Variants in DOCK3 observed in about 807,000 individuals in gnomAD.
DOCK3 encodes dedicator of cytokinesis protein 3.
In DOCK3, 60 loss-of-function variants were observed where a neutral mutation model predicts 265.6. The ratio of observed to expected loss-of-function variants is 0.23; its 90% CI spans 0.18 to 0.28. The LOEUF is 0.28. Ranked by LOEUF, DOCK3 falls within the 10% of genes least tolerant of loss-of-function variation. The pLI, the probability that DOCK3 is intolerant of heterozygous loss-of-function variation, is 1.00. For missense variants in DOCK3, 1,981 were observed against 2,594.3 expected (o/e 0.76, Z 5.14); for synonymous variants, 881 against 938.0 (o/e 0.94, Z 1.11).
At chr3:51,017,770 GA>G (rs1390418633) in intron 5 of DOCK3, among the ~76,000 whole-genome samples, 1 of 151,816 alleles carries the variant, frequency 6.6e-6, no homozygotes, top group Non-Finnish European at 1.5e-5. Flanking sequence ...GTCTATCATT[GA>G]GAATGATCAT....
At chr3:50,799,011 T>C (rs1391067852) in intron 2 of DOCK3, among the ~76,000 whole-genome samples, 2 of 152,244 alleles carry the variant, frequency 1.3e-5, no homozygotes, top group African/African-American at 4.8e-5. Context: ...TTGGTACTTT[T>C]ATCAAAAACT....
intron 12 of DOCK3, among the ~76,000 whole-genome samples, chr3:51,170,407 G>T (rs1022991358): frequency 6.6e-6 from 1 of 151,824 alleles, no homozygotes; most frequent in Admixed American, 6.6e-5. Flanking sequence ...GGAGATTTTT[G>T]ATTACTGCTT....
At chr3:50,679,397 A>G (rs930146118) in intron 1 of DOCK3, among the ~76,000 whole-genome samples, 3 of 152,164 alleles carry the variant, frequency 2.0e-5, no homozygotes, top group African/African-American at 4.8e-5. Flanking sequence ...TTGTAATGTT[A>G]TATTTATTTT....
chr3:50,839,779 C>A (rs2045728756), intron 2 of DOCK3, among the ~76,000 whole-genome samples: 2 of 128,710 alleles, frequency 1.6e-5, no homozygotes, highest in South Asian at 3.1e-4. Flanking sequence ...CTCTCCTCTT[C>A]TTTTTTTGAG....
intron 4 of DOCK3, among the ~76,000 whole-genome samples, chr3:50,910,795 A>G: frequency 6.6e-6 from 1 of 152,120 alleles, no homozygotes. Flanking sequence ...GGTGTAGGCA[A>G]TGTGAGTCAG....
At chr3:51,286,822 G>A (rs1380455758) in intron 27 of DOCK3, among the ~76,000 whole-genome samples, 1 of 152,030 alleles carries the variant, frequency 6.6e-6, no homozygotes, top group Non-Finnish European at 1.5e-5. Flanking sequence ...AACTCAAGAT[G>A]GATTAAGGAC....
chr3:51,197,949 T>C (rs1172018339), intron 12 of DOCK3, among the ~76,000 whole-genome samples: 2 of 152,180 alleles, frequency 1.3e-5, no homozygotes, highest in South Asian at 2.1e-4. Flanking sequence ...CCCACTTGCA[T>C]CCCAGTCTCC....
At chr3:50,704,201 A>G (rs1161839989) in intron 1 of DOCK3, among the ~76,000 whole-genome samples, 1 of 152,196 alleles carries the variant, frequency 6.6e-6, no homozygotes, top group Non-Finnish European at 1.5e-5. Context: ...CGTATGGTCT[A>G]TCCTGGGAAA....
intron 2 of DOCK3, among the ~76,000 whole-genome samples, chr3:50,798,499 G>T (rs1447523300): frequency 1.3e-5 from 2 of 152,176 alleles, no homozygotes; most frequent in African/African-American, 4.8e-5. Flanking sequence ...AAAGAACAGT[G>T]TCCTGGGGGA....
chr3:51,073,174 C>T (rs1322368475), intron 6 of DOCK3, among the ~76,000 whole-genome samples: 1 of 152,074 alleles, frequency 6.6e-6, no homozygotes, highest in African/African-American at 2.4e-5. Context: ...AATGTGACTA[C>T]AGAAAATTTG....
intron 50 of DOCK3, among the ~76,000 whole-genome samples, chr3:51,375,177 T>A (rs1457207862): frequency 6.6e-6 from 1 of 152,202 alleles, no homozygotes; most frequent in Non-Finnish European, 1.5e-5. Context: ...AAAAGTCACC[T>A]CTCAGTGACC....
At chr3:51,126,231 A>G (rs1050129246) in intron 9 of DOCK3, among the ~76,000 whole-genome samples, 7 of 152,212 alleles carry the variant, frequency 4.6e-5, no homozygotes, top group African/African-American at 1.7e-4. Flanking sequence ...CAAAACTGCT[A>G]GGTCTGGGTT....
intron 12 of DOCK3, among the ~76,000 whole-genome samples, chr3:51,178,201 TG>T (rs1221750170): frequency 6.6e-6 from 1 of 152,104 alleles, no homozygotes; most frequent in Non-Finnish European, 1.5e-5. Flanking sequence ...AGATATGAAA[TG>T]GGTGTGTCAT....
chr3:50,916,973 A>G (rs1438478197), intron 4 of DOCK3, among the ~76,000 whole-genome samples: 1 of 152,106 alleles, frequency 6.6e-6, no homozygotes. Context: ...TATTTTAAGA[A>G]AGTAAGAAAG....
intron 5 of DOCK3, among the ~76,000 whole-genome samples, chr3:50,936,928 C>T (rs1276034523): frequency 6.6e-6 from 1 of 151,996 alleles, no homozygotes; most frequent in African/African-American, 2.4e-5. Flanking sequence ...TTTGATAATA[C>T]AAAGCAAAAA....
chr3:50,915,896 G>T (rs1302298447), intron 4 of DOCK3, among the ~76,000 whole-genome samples: 2 of 151,922 alleles, frequency 1.3e-5, no homozygotes, highest in Middle Eastern at 3.2e-3. Flanking sequence ...CCCCATCTTT[G>T]CTTGTTTCTA....
At chr3:50,715,183 A>G (rs1422348989) in intron 1 of DOCK3, among the ~76,000 whole-genome samples, 3 of 152,240 alleles carry the variant, frequency 2.0e-5, no homozygotes, top group Non-Finnish European at 4.4e-5. Flanking sequence ...AATGACTATC[A>G]TAATTAACTT....
rs1430407390 is a variant in DOCK3, at chr3:51,228,643, C to T, written c.1648-18C>T. 9.4e-6 allele frequency: 15 copies of T among 1,598,988 alleles called. No individual in the cohort carries two copies. Among genetic ancestry groups the T allele is most frequent in the Admixed American group, 7.1e-5 (4 of 56,638 alleles). On this transcript the variant is annotated intron_variant, in intron 17 of 52. Coordinates refer to ENST00000266037, the MANE Select transcript of DOCK3 (RefSeq NM_004947.5). Reference sequence around the variant, plus strand: ...TGCATGGCTCAGGGGACATTTTTTTCTCCATTTTTGCCTACAGTGTGATGA... The same window carrying T: ...TGCATGGCTCAGGGGACATTTTTTTTTCCATTTTTGCCTACAGTGTGATGA...
At chr3:50,843,718 G>A (rs1265637036) in intron 3 of DOCK3, among the ~76,000 whole-genome samples, 2 of 151,906 alleles carry the variant, frequency 1.3e-5, no homozygotes, top group Non-Finnish European at 2.9e-5. Context: ...GTATATTTTG[G>A]TAATATCTCT....
Sources: gnomAD v4.1 joint callset for allele counts (sites outside exome capture counted in the v4.1 genomes callset) on GRCh38, gnomAD v4.1.1 for gene constraint, MANE v1.5 for transcripts, NCBI Gene and HGNC (gene_info 2026-07-23, HGNC 2026-07-21) for gene names.